The following ADAMTS19 variants were observed in gnomAD, a reference collection of about 807,000 sequenced individuals.
ADAMTS19 encodes the protein A disintegrin and metalloproteinase with thrombospondin motifs 19.
In ADAMTS19, 93 loss-of-function variants were observed where a neutral mutation model predicts 153.3. The ratio of observed to expected loss-of-function variants is 0.61; its 90% CI spans 0.51 to 0.72. The LOEUF is 0.72. Ranked by LOEUF, ADAMTS19 falls within the 30% of genes least tolerant of loss-of-function variation. The pLI, the probability that ADAMTS19 is intolerant of heterozygous loss-of-function variation, is 0.00. For missense variants in ADAMTS19, 1,482 were observed against 1,552.1 expected (o/e 0.95, Z 0.76); for synonymous variants, 600 against 556.6 (o/e 1.08, Z -1.10).
chr5:129,568,378 G>A (rs1349484062), intron 7 of ADAMTS19, among the ~76,000 whole-genome samples: 2 of 152,010 alleles, frequency 1.3e-5, no homozygotes, highest in Non-Finnish European at 2.9e-5. Flanking sequence ...GGGATAAAGG[G>A]ACTTTCATGT....
At chr5:129,521,595 C>A (rs1043597262) in intron 3 of ADAMTS19, among the ~76,000 whole-genome samples, 2 of 152,112 alleles carry the variant, frequency 1.3e-5, no homozygotes, top group African/African-American at 4.8e-5. Flanking sequence ...GGTTTAACAT[C>A]CCCCAGAAAT....
intron 2 of ADAMTS19, among the ~76,000 whole-genome samples, chr5:129,499,042 C>A (rs1364695206): frequency 6.6e-6 from 1 of 151,838 alleles, no homozygotes; most frequent in Non-Finnish European, 1.5e-5. Flanking sequence ...AAATAATCAT[C>A]AGGAAGTTAC....
intron 6 of ADAMTS19, among the ~76,000 whole-genome samples, chr5:129,536,248 A>C (rs185534660): frequency 6.6e-6 from 1 of 152,060 alleles, no homozygotes; most frequent in African/African-American, 2.4e-5. Context: ...AAAAGTGGGC[A>C]AAGTATATGA....
At chr5:129,465,899 A>G (rs1749839675) in intron 2 of ADAMTS19, among the ~76,000 whole-genome samples, 1 of 152,240 alleles carries the variant, frequency 6.6e-6, no homozygotes, top group South Asian at 2.1e-4. Context: ...ATATCTCCTG[A>G]AAGATTGAAA....
intron 6 of ADAMTS19, among the ~76,000 whole-genome samples, chr5:129,536,495 T>G (rs1008874252): frequency 6.6e-6 from 1 of 152,154 alleles, no homozygotes; most frequent in Admixed American, 6.6e-5. Context: ...ATTGTGGAAG[T>G]CAGTGTGGCG....
chr5:129,703,168 T>G (rs1048169797), intron 20 of ADAMTS19, among the ~76,000 whole-genome samples: 4 of 150,528 alleles, frequency 2.7e-5, no homozygotes, highest in Non-Finnish European at 4.4e-5. Flanking sequence ...TCCAGAACAA[T>G]TTTGGTCCCA....
chr5:129,618,594 A>T (rs937318581), intron 8 of ADAMTS19, among the ~76,000 whole-genome samples: 1 of 151,958 alleles, frequency 6.6e-6, no homozygotes, highest in South Asian at 2.1e-4. Context: ...GTTTTTAAAA[A>T]TTTTATTTTG....
rs1181562757 is a variant in ADAMTS19, at chr5:129,461,616, G to T, written c.606G>T (p.Arg202=). 1 of 1,553,950 alleles carries T rather than the reference G, an allele frequency of 6.4e-7. No individual in the cohort carries two copies. Among genetic ancestry groups the T allele is most frequent in the South Asian group, 1.1e-5 (1 of 87,974 alleles). The change falls in exon 2 of 23, where the codon CGG becomes CGT. Residue 202 remains arginine, a synonymous_variant. Transcript: ENST00000274487. This position sits in a 1 kb window ranked among gnomAD's most constrained non-coding sequence, Gnocchi z 4.6. ...CGCCGCGCTTCGCAGTGGAACAGCG[G>T]CCAAATCCCGGCCCCGGCCCCACGG... ...FLAPRFAVEQ[R]PNPGPGPTGA...
intron 7 of ADAMTS19, among the ~76,000 whole-genome samples, chr5:129,579,563 T>A (rs1175671358): frequency 2.6e-5 from 4 of 152,232 alleles, no homozygotes; most frequent in African/African-American, 9.6e-5. Context: ...AGGATTTTTA[T>A]CATTTTAGGT....
intron 2 of ADAMTS19, among the ~76,000 whole-genome samples, chr5:129,501,792 A>G (rs1370021492): frequency 1.3e-5 from 2 of 152,186 alleles, no homozygotes; most frequent in South Asian, 4.1e-4. Flanking sequence ...ATGCCTTGTA[A>G]ACAGGCCTAT....
Position 129,581,043 on chromosome 5 carries a change from T to G in ADAMTS19, c.1373-15516T>G, listed in dbSNP as rs113797888. On this transcript the variant is annotated intron_variant, in intron 7 of 22. Coordinates refer to ENST00000274487, the MANE Select transcript of ADAMTS19 (RefSeq NM_133638.6). Reference sequence around the variant, plus strand: ...CCTCTTTGTACCTCTGGTAGAATTCTGCTGTGAATCCATCTGGTCCTGGGC... The same window carrying G: ...CCTCTTTGTACCTCTGGTAGAATTCGGCTGTGAATCCATCTGGTCCTGGGC... Among the ~76,000 whole-genome samples the G allele has an allele frequency of 7.7e-3, 1,174 of 152,282 alleles. 15 individuals are homozygous for G. Among genetic ancestry groups the G allele is most frequent in the African/African-American group, 0.027 (1,126 of 41,562 alleles).
At chr5:129,581,238 T>C (rs1319540828) in intron 7 of ADAMTS19, among the ~76,000 whole-genome samples, 1 of 151,980 alleles carries the variant, frequency 6.6e-6, no homozygotes, top group East Asian at 1.9e-4. Context: ...ATTTATAGTA[T>C]TCTTGGATGG....
At position 129,488,848 on chromosome 5, in the gene ADAMTS19, A is replaced by G. The variant is rs537005425; in HGVS notation, c.748-20229A>G. 4.6e-5 allele frequency among the ~76,000 whole-genome samples: 7 copies of G among 152,186 alleles called. No homozygotes were observed. The East Asian group carries it at 1.2e-3, about 25-fold the overall frequency. On this transcript the variant is annotated intron_variant, in intron 2 of 22. Coordinates refer to ENST00000274487, the MANE Select transcript of ADAMTS19 (RefSeq NM_133638.6). ...TTTTTGTATTTATCTGTCACTTGAT[A>G]GGAACATGCTAGTCCATAAGGTCCT... is the stretch of plus-strand genomic sequence containing the variant.
chr5:129,563,389 G>A (rs1430266704), intron 7 of ADAMTS19, among the ~76,000 whole-genome samples: 2 of 152,012 alleles, frequency 1.3e-5, no homozygotes, highest in African/African-American at 4.8e-5. Flanking sequence ...TTTGGACTAG[G>A]CGAAGAATAG....
chr5:129,672,973 T>C (rs1221973474), intron 16 of ADAMTS19, among the ~76,000 whole-genome samples: 3 of 152,128 alleles, frequency 2.0e-5, no homozygotes, highest in Non-Finnish European at 4.4e-5. Context: ...ACCTTGTCAA[T>C]TTCATTGGTT....
chr5:129,497,279 A>G (rs372427423), intron 2 of ADAMTS19, among the ~76,000 whole-genome samples: 26 of 151,904 alleles, frequency 1.7e-4, no homozygotes, highest in African/African-American at 6.3e-4. Flanking sequence ...CTTCCTCCAC[A>G]ATCTCCTTTG....
intron 1 of ADAMTS19, 94 bp downstream of exon 1, chr5:129,460,576 GGA>G (rs1392829813): frequency 7.2e-7 from 1 of 1,386,994 alleles, no homozygotes; most frequent in African/African-American, 1.4e-5. Flanking sequence ...ACCGGTGCGT[GGA>G]GAGCAGGGCT....
In ADAMTS19 at chr5:129,461,404, T is replaced by A; in HGVS notation, c.394T>A (p.Ser132Thr). The change falls in exon 2 of 23, where the codon TCC (serine) becomes ACC (threonine). Residue 132 changes from serine (S) to threonine (T), a missense_variant. By Grantham distance (58) the Ser-to-Thr change is moderately conservative. Around this residue, in one of 2 missense-constraint regions of ADAMTS19, gnomAD observed 866 missense variants for 827.7 expected, o/e 1.05. Coordinates refer to ENST00000274487, the MANE Select transcript of ADAMTS19 (RefSeq NM_133638.6). This position sits in a 1 kb window ranked among gnomAD's most constrained non-coding sequence, Gnocchi z 4.6. ...CGAGTCGCAGGAGCTGCCGCGGGGA[T>A]CCAGCGGGGCTGCCGCCTTGTCCCC... is the stretch of plus-strand genomic sequence containing the variant. The part of the protein sequence containing the change: ...ELESQELPRG[S>T]SGAAALSPGA... 7.4e-7 allele frequency: 1 copy of A among 1,358,126 alleles called. No homozygotes were observed. 84.1% of individuals were successfully genotyped at this position (1,358,126 alleles called of 1,614,324 possible). A position where few individuals can be genotyped will look rare whatever the true frequency, so the allele number is the denominator to read the frequency against.
chr5:129,600,963 C>T lies in ADAMTS19; in HGVS notation c.1478+4299C>T, dbSNP rs1162336370. 5.9e-5 allele frequency among the ~76,000 whole-genome samples: 9 copies of T among 152,134 alleles called. No homozygotes were observed. The South Asian group carries it at 1.5e-3, about 25-fold the overall frequency. On this transcript the variant is annotated intron_variant, in intron 8 of 22. Transcript: ENST00000274487. The stretch of plus-strand genomic sequence containing the variant: ...CTGCTCACTGCAACCCTCCACCTTC[C>T]GGGTTCAAGCGATTCTCCTGCCCCA...
Sources: gnomAD v4.1 joint callset for allele counts (sites outside exome capture counted in the v4.1 genomes callset) on GRCh38, gnomAD v4.1.1 for gene constraint, gnomAD v4.1.1 regional missense constraint, Gnocchi (gnomAD v3.1) non-coding constraint, MANE v1.5 for transcripts, NCBI Gene and HGNC (gene_info 2026-07-23, HGNC 2026-07-21) for gene names.